FGD4: variants seen among roughly 807,000 people sequenced by gnomAD.
FGD4 encodes FYVE, RhoGEF and PH domain containing 4.
In FGD4, 42 loss-of-function variants were observed where a neutral mutation model predicts 102.0. The observed-to-expected ratio is 0.41, with a 90% CI of 0.32 to 0.53. The LOEUF (loss-of-function observed/expected upper bound fraction) is 0.53. FGD4 is among the 20% of genes least tolerant of loss of function. The pLI is 0.21. For missense variants in FGD4, 902 were observed against 1,078.2 expected, an observed-to-expected ratio of 0.84 and a Z score of 2.29; for synonymous variants, 380 against 375.7, an observed-to-expected ratio of 1.01 and a Z score of -0.13.
At chr12:32,599,494 C>CAAAAAAAAAAAAAAAAAA (rs777429838) in intron 5 of FGD4, among the ~76,000 whole-genome samples, 7 of 19,688 alleles carry the variant, frequency 3.6e-4, no homozygotes, top group Non-Finnish European at 5.3e-4. Flanking sequence ...GACTCCGTCT[C>CAAAAAAAAAAAAAAAAAA]AAAAAAAAAA....
rs1373990183 is a variant in FGD4 at position 32,544,499 on chromosome 12, G to A, written c.167-19638G>A. 1.3e-5 allele frequency among the ~76,000 whole-genome samples: 2 copies of A among 151,986 alleles called. No homozygotes were observed. Among genetic ancestry groups the A allele is most frequent in the African/African-American group, 4.8e-5 (2 of 41,386 alleles). On this transcript the variant is annotated intron_variant, in intron 1 of 16. Coordinates refer to ENST00000534526, the MANE Select transcript of FGD4 (RefSeq NM_001370298.3). The surrounding 1 kb of genome is among the most constrained non-coding windows in gnomAD (Gnocchi z 4.1). Reference sequence around the variant, plus strand: ...TAATCCCAGCACTCTGGGAGGCTGAGGCAGGTGGATCACTTTGAACTCAGT... The same window carrying A: ...TAATCCCAGCACTCTGGGAGGCTGAAGCAGGTGGATCACTTTGAACTCAGT...
chr12:32,618,184 T>C (rs762012635), intron 10 of FGD4, among the ~76,000 whole-genome samples: 1 of 152,232 alleles, frequency 6.6e-6, no homozygotes, highest in Non-Finnish European at 1.5e-5. Context: ...TGAGGACAAG[T>C]ATCGGATAAC....
intron 5 of FGD4, among the ~76,000 whole-genome samples, chr12:32,599,777 T>C (rs61926190): frequency 0.011 from 1,701 of 151,854 alleles, 18 homozygotes; most frequent in South Asian, 0.056. Context: ...CTTAAAGTCC[T>C]GACCTTGTGA....
intron 1 of FGD4, among the ~76,000 whole-genome samples, chr12:32,551,907 T>C (rs1244216492): frequency 2.0e-5 from 3 of 152,226 alleles, no homozygotes; most frequent in Non-Finnish European, 2.9e-5. Context: ...TCCTGTGGAA[T>C]GGGCAACTTC....
intron 1 of FGD4, among the ~76,000 whole-genome samples, chr12:32,417,550 C>A (rs7297381): frequency 3.3e-5 from 5 of 151,578 alleles, no homozygotes; most frequent in African/African-American, 4.8e-5. Flanking sequence ...CTCTGCCTCC[C>A]AGGTTAAAGT....
At chr12:32,490,689 G>A (rs557650680) in intron 1 of FGD4, among the ~76,000 whole-genome samples, 3 of 152,210 alleles carry the variant, frequency 2.0e-5, no homozygotes, top group East Asian at 1.9e-4. Flanking sequence ...GAGCCACCGC[G>A]CCTAGACTTA....
chr12:32,408,392 C>T lies in FGD4; in HGVS notation c.166+8433C>T, dbSNP rs570581309. 3.3e-4 allele frequency among the ~76,000 whole-genome samples: 50 copies of T among 152,244 alleles called. No homozygotes were observed. In the South Asian group the frequency reaches 0.01, roughly 32 times the overall value. ...CATGTTGGTCAGGCTTGTCTTAACT[C>T]TCAACCTCAGGTGATCCGCCCACCA... On this transcript the variant is annotated intron_variant, in intron 1 of 16. Coordinates refer to ENST00000534526, the MANE Select transcript of FGD4 (RefSeq NM_001370298.3).
At chr12:32,415,228 A>G (rs1941358546) in intron 1 of FGD4, among the ~76,000 whole-genome samples, 2 of 152,242 alleles carry the variant, frequency 1.3e-5, no homozygotes, top group African/African-American at 4.8e-5. Context: ...AGGATGATCC[A>G]TATGCTCAGG....
At chr12:32,495,241 C>G (rs1937723974) in intron 1 of FGD4, among the ~76,000 whole-genome samples, 4 of 152,138 alleles carry the variant, frequency 2.6e-5, no homozygotes, top group Admixed American at 2.6e-4. Flanking sequence ...AGAAATCACC[C>G]TGCTAACAAG....
chr12:32,509,129 T>A (rs971614277), intron 1 of FGD4, among the ~76,000 whole-genome samples: 1 of 152,252 alleles, frequency 6.6e-6, no homozygotes, highest in East Asian at 1.9e-4. Flanking sequence ...AAAATACAAA[T>A]GTTAGGAGGT....
chr12:32,635,733 A>G (rs1469262383), intron 15 of FGD4, among the ~76,000 whole-genome samples: 2 of 152,184 alleles, frequency 1.3e-5, no homozygotes, highest in East Asian at 3.9e-4. Flanking sequence ...AATATGGATC[A>G]GCTGGGCGCA....
chr12:32,581,603 T>C (rs1010272914), intron 3 of FGD4, among the ~76,000 whole-genome samples: 3 of 152,224 alleles, frequency 2.0e-5, no homozygotes, highest in African/African-American at 7.2e-5. Flanking sequence ...GTAAGTATTA[T>C]ATCTAACTAA....
intron 1 of FGD4, among the ~76,000 whole-genome samples, chr12:32,561,935 G>A (rs1944628619): frequency 6.6e-6 from 1 of 152,134 alleles, no homozygotes; most frequent in Non-Finnish European, 1.5e-5. Flanking sequence ...GAAAACATGG[G>A]TCACCGTTAG....
chr12:32,463,031 A>C (rs1186428266), intron 1 of FGD4, among the ~76,000 whole-genome samples: 1 of 152,240 alleles, frequency 6.6e-6, no homozygotes, highest in Non-Finnish European at 1.5e-5. Flanking sequence ...AATACACTTG[A>C]TACAACTTTA....
At chr12:32,444,317 C>T (rs1434693977) in intron 1 of FGD4, among the ~76,000 whole-genome samples, 1 of 152,048 alleles carries the variant, frequency 6.6e-6, no homozygotes, top group East Asian at 1.9e-4. Context: ...CCCACTGCAC[C>T]CAGCCAACAG....
At chr12:32,497,737 G>A (rs1426916327) in intron 1 of FGD4, among the ~76,000 whole-genome samples, 1 of 152,204 alleles carries the variant, frequency 6.6e-6, no homozygotes, top group African/African-American at 2.4e-5. Context: ...TAAATTGTGT[G>A]CCGTTGTGCA....
chr12:32,444,158 G>A (rs1942540530), intron 1 of FGD4, among the ~76,000 whole-genome samples: 1 of 151,426 alleles, frequency 6.6e-6, no homozygotes, highest in Non-Finnish European at 1.5e-5. Flanking sequence ...CAAGAAGCTG[G>A]AACTACAGGC....
intron 1 of FGD4, among the ~76,000 whole-genome samples, chr12:32,472,555 G>A (rs1326910429): frequency 2.0e-5 from 3 of 152,224 alleles, no homozygotes; most frequent in Non-Finnish European, 2.9e-5. Flanking sequence ...CCTGCAGCCC[G>A]CCATGCCTGA....
chr12:32,511,344 C>G (rs1023085405), intron 1 of FGD4: 21 of 152,364 alleles, frequency 1.4e-4, no homozygotes, highest in African/African-American at 5.1e-4. Context: ...CAGAGTCTCG[C>G]TCTGTTGCCC....
Sources: allele counts gnomAD v4.1 joint callset (sites outside exome capture counted in the v4.1 genomes callset), GRCh38; gene constraint gnomAD v4.1.1; non-coding constraint Gnocchi (gnomAD v3.1); transcripts MANE v1.5; gene names NCBI Gene and HGNC (gene_info 2026-07-23, HGNC 2026-07-21).